ZNF564: variants seen among roughly 807,000 people sequenced by gnomAD.
The protein encoded by ZNF564 is zinc finger protein 564.
A neutral mutation model predicts 10.5 loss-of-function variants in ZNF564; 5 were observed. The observed-to-expected ratio is 0.48, with a 90% CI of 0.25 to 1.00. The LOEUF is 1.00. Ranked by LOEUF, ZNF564 falls within the 50% of genes least tolerant of loss-of-function variation. The pLI is 0.16. For missense variants in ZNF564, 603 were observed against 669.7 expected (o/e 0.90, Z 1.10); for synonymous variants, 242 against 218.1 (o/e 1.11, Z -0.97).
At chr19:12,534,606 G>C (rs934698791) in intron 1 of ZNF564, among the ~76,000 whole-genome samples, 1 of 152,120 alleles carries the variant, frequency 6.6e-6, no homozygotes, top group Non-Finnish European at 1.5e-5. Flanking sequence ...CTGAGGTCAG[G>C]AGTTCAAGAC....
intron 1 of ZNF564, among the ~76,000 whole-genome samples, chr19:12,548,458 G>A (rs56775925): frequency 0.065 from 9,831 of 151,712 alleles, 875 homozygotes; most frequent in African/African-American, 0.2. Context: ...CTTGTGATCC[G>A]CACACCTTGG....
chr19:12,538,672 T>C (rs1444280466), intron 1 of ZNF564, among the ~76,000 whole-genome samples: 1 of 151,850 alleles, frequency 6.6e-6, no homozygotes, highest in Non-Finnish European at 1.5e-5. Flanking sequence ...TAGTCGAGTG[T>C]GGTGGCACAA....
At chr19:12,528,234 T>C in intron 3 of ZNF564, 70 bp downstream of exon 3, 3 of 1,418,190 alleles carry the variant, frequency 2.1e-6, no homozygotes, top group Non-Finnish European at 2.9e-6. Context: ...TACTGGTTTG[T>C]TTACTTATTT....
rs552700129 is a variant in ZNF564, at chr19:12,535,305, G to A, written c.4-6609C>T. 3.9e-5 allele frequency among the ~76,000 whole-genome samples: 6 copies of A among 152,116 alleles called. No individual in the cohort carries two copies. In the East Asian group the frequency reaches 5.8e-4, roughly 15 times the overall value. ...GGAGAATCGCTTGAACCAAGGGGGC[G>A]GAGGTTGCAGTGAGCCAAGATCACA... On this transcript the variant is annotated intron_variant, in intron 1 of 3. Coordinates refer to ENST00000339282, the MANE Select transcript of ZNF564 (RefSeq NM_144976.4).
At chr19:12,529,594 A>T (rs1453131492) in intron 1 of ZNF564, among the ~76,000 whole-genome samples, 1 of 127,180 alleles carries the variant, frequency 7.9e-6, no homozygotes, top group African/African-American at 2.7e-5. Context: ...GGACAGAGAG[A>T]GACTAAGTCT....
In ZNF564 at chr19:12,527,154, A is replaced by T. The variant is rs1363385391; in HGVS notation, c.954T>A (p.Phe318Leu). 6.2e-7 allele frequency: 1 copy of T among 1,614,046 alleles called. No individual in the cohort carries two copies. The change falls in exon 4 of 4, where the codon TTT becomes TTA. Residue 318 changes from phenylalanine to leucine, a missense_variant. Transcript: ENST00000339282. ...PYKCKVCGRA[F>L]IFPSYVRKHE... is the part of the protein sequence containing the mutation. The stretch of plus-strand genomic sequence containing the variant: ...GCTTTCGAACATAACTGGGAAAAAT[A>T]AAGGCTCTCCCACATACTTTACATT...
intron 1 of ZNF564, 130 bp downstream of exon 1, chr19:12,551,200 C>T: frequency 2.8e-6 from 3 of 1,088,080 alleles, no homozygotes; most frequent in Admixed American, 2.1e-5. Context: ...GAGGGCCGAG[C>T]TGCGCCAGGG....
At chr19:12,549,667 G>C (rs1568268365) in intron 1 of ZNF564, among the ~76,000 whole-genome samples, 1 of 152,142 alleles carries the variant, frequency 6.6e-6, no homozygotes, top group Non-Finnish European at 1.5e-5. Context: ...GAAAAGCTGA[G>C]CGTCCCAAAG....
chr19:12,551,293 TC>T, intron 1 of ZNF564, 36 bp downstream of exon 1: 1 of 1,596,002 alleles, frequency 6.3e-7, no homozygotes. Flanking sequence ...CACAAGCCCC[TC>T]CCCCAGTCTC....
chr19:12,544,985 G>A (rs914334744), intron 1 of ZNF564, among the ~76,000 whole-genome samples: 1 of 152,152 alleles, frequency 6.6e-6, no homozygotes, highest in Non-Finnish European at 1.5e-5. Context: ...GGAGCCGGGT[G>A]TGGTGGCTCA....
At chr19:12,545,351 C>T (rs2022131353) in intron 1 of ZNF564, among the ~76,000 whole-genome samples, 1 of 151,854 alleles carries the variant, frequency 6.6e-6, no homozygotes, top group South Asian at 2.1e-4. Flanking sequence ...ATGTGATTCA[C>T]GGTCTCGATT....
intron 1 of ZNF564, among the ~76,000 whole-genome samples, chr19:12,544,909 A>C (rs1446871626): frequency 6.6e-6 from 1 of 152,172 alleles, no homozygotes; most frequent in African/African-American, 2.4e-5. Context: ...ACCCACATTC[A>C]GAAGGTTAAA....
chr19:12,536,154 T>C (rs2021907503), intron 1 of ZNF564, among the ~76,000 whole-genome samples: 1 of 152,166 alleles, frequency 6.6e-6, no homozygotes, highest in Non-Finnish European at 1.5e-5. Context: ...GACTCATGAC[T>C]GAAAAGTAAC....
intron 3 of ZNF564, 25 bp downstream of exon 3, chr19:12,528,279 G>C (rs1599276769): frequency 6.3e-7 from 1 of 1,594,638 alleles, no homozygotes; most frequent in East Asian, 2.2e-5. Flanking sequence ...AGGAGACATT[G>C]CTTTATCTTG....
At chr19:12,539,240 CAAAA>C (rs760536256) in intron 1 of ZNF564, among the ~76,000 whole-genome samples, 2 of 52,078 alleles carry the variant, frequency 3.8e-5, no homozygotes, top group Non-Finnish European at 8.4e-5. Flanking sequence ...GACTCCATCT[CAAAA>C]AAAAAAAAAA....
At position 12,532,422 on chromosome 19, in the gene ZNF564, C is replaced by G. The variant is rs571325952; in HGVS notation, c.4-3726G>C. On this transcript the variant is annotated intron_variant, in intron 1 of 3. Coordinates refer to ENST00000339282, the MANE Select transcript of ZNF564 (RefSeq NM_144976.4). ...TGGTAGCAGGCGCCTGTAGTCCCAGCTACTCGGGAGGCTGAGGCAGGAGAA... is the reference window on the plus strand; with the variant it reads ...TGGTAGCAGGCGCCTGTAGTCCCAGGTACTCGGGAGGCTGAGGCAGGAGAA... 3.3e-5 allele frequency among the ~76,000 whole-genome samples: 5 copies of G among 149,784 alleles called. No homozygotes were observed. The Admixed American group carries it at 3.3e-4, about 10-fold the overall frequency.
chr19:12,534,521 T>G (rs1440377557), intron 1 of ZNF564, among the ~76,000 whole-genome samples: 1 of 152,112 alleles, frequency 6.6e-6, no homozygotes, highest in Non-Finnish European at 1.5e-5. Context: ...CTTATAAAAC[T>G]AAACATACTC....
intron 1 of ZNF564, among the ~76,000 whole-genome samples, chr19:12,540,727 G>T (rs925988864): frequency 6.6e-6 from 1 of 151,850 alleles, no homozygotes; most frequent in African/African-American, 2.4e-5. Flanking sequence ...GGTGGCGGGC[G>T]CCTGTAGTCC....
At chr19:12,536,475 C>A (rs1379474289) in intron 1 of ZNF564, among the ~76,000 whole-genome samples, 1 of 152,160 alleles carries the variant, frequency 6.6e-6, no homozygotes, top group Non-Finnish European at 1.5e-5. Flanking sequence ...CCACGCCTGG[C>A]CCATATCATA....
Sources: allele counts gnomAD v4.1 joint callset (sites outside exome capture counted in the v4.1 genomes callset), GRCh38; gene constraint gnomAD v4.1.1; transcripts MANE v1.5; gene names NCBI Gene and HGNC (gene_info 2026-07-23, HGNC 2026-07-21).